The following OSBPL10 variants were observed in gnomAD, a reference collection of about 807,000 sequenced individuals.
OSBPL10 encodes the protein oxysterol binding protein like 10, also known as oxysterol-binding protein-related protein 10.
A neutral mutation model predicts 81.7 loss-of-function variants in OSBPL10; 49 were observed. The observed-to-expected ratio is 0.60, with a 90% CI of 0.48 to 0.76. The LOEUF is 0.76. Among genes scored for constraint, OSBPL10 ranks in the 30% least tolerant of loss-of-function variants. The pLI, the probability that OSBPL10 is intolerant of heterozygous loss-of-function variation, is 0.00. For synonymous variants in OSBPL10, 419 were observed against 383.6 expected (o/e 1.09, Z -1.08); for missense variants, 923 against 987.8 (o/e 0.93, Z 0.88).
chr3:32,033,042 T>C (rs1699487191), intron 2 of OSBPL10, among the ~76,000 whole-genome samples: 1 of 152,230 alleles, frequency 6.6e-6, no homozygotes, highest in Non-Finnish European at 1.5e-5. Context: ...TATAATGTGA[T>C]GAATTTCCTT....
At chr3:31,851,318 C>T (rs900804272) in intron 3 of OSBPL10, among the ~76,000 whole-genome samples, 5 of 152,196 alleles carry the variant, frequency 3.3e-5, no homozygotes, top group African/African-American at 7.2e-5. Context: ...CAGCCAGAGA[C>T]GTGAAGGAGA....
chr3:31,824,308 T>C (rs992428119), intron 4 of OSBPL10, among the ~76,000 whole-genome samples: 3 of 152,116 alleles, frequency 2.0e-5, no homozygotes, highest in African/African-American at 4.8e-5. Context: ...TAGTTGCAGG[T>C]TGGCCAATGT....
intron 1 of OSBPL10, among the ~76,000 whole-genome samples, chr3:31,903,351 A>G (rs4955119): frequency 0.21 from 30,701 of 144,802 alleles, 3,961 homozygotes; most frequent in Admixed American, 0.29. Flanking sequence ...TTTTTTAGAC[A>G]AGGTCTCACT....
intron 6 of OSBPL10, among the ~76,000 whole-genome samples, chr3:31,720,341 G>A (rs1398233730): frequency 6.6e-6 from 1 of 152,144 alleles, no homozygotes; most frequent in East Asian, 1.9e-4. Context: ...GCTCTTGGGA[G>A]ATACAGGGAG....
chr3:31,984,233 G>T (rs1344657286), upstream of OSBPL10, among the ~76,000 whole-genome samples: 1 of 151,994 alleles, frequency 6.6e-6, no homozygotes, highest in Non-Finnish European at 1.5e-5. Context: ...GTAGAGATGG[G>T]ATTTCACTGT....
At chr3:31,916,438 G>A (rs916900658) in intron 1 of OSBPL10, among the ~76,000 whole-genome samples, 1 of 152,176 alleles carries the variant, frequency 6.6e-6, no homozygotes, top group Non-Finnish European at 1.5e-5. Flanking sequence ...GGAGTCAAGT[G>A]TAACAACAGG....
chr3:31,895,641 A>G (rs1696033336), intron 1 of OSBPL10, among the ~76,000 whole-genome samples: 1 of 152,138 alleles, frequency 6.6e-6, no homozygotes, highest in Non-Finnish European at 1.5e-5. Flanking sequence ...CTGATAATCC[A>G]AGCTGTTTGA....
intron 2 of OSBPL10, among the ~76,000 whole-genome samples, chr3:32,021,015 G>A (rs922176715): frequency 3.3e-5 from 5 of 152,140 alleles, no homozygotes; most frequent in Non-Finnish European, 5.9e-5. Flanking sequence ...GTCCTCACTT[G>A]GACTTTCCTG....
At chr3:31,961,564 G>A (rs1559533206) in intron 1 of OSBPL10, among the ~76,000 whole-genome samples, 1 of 152,014 alleles carries the variant, frequency 6.6e-6, no homozygotes, top group Non-Finnish European at 1.5e-5. Flanking sequence ...CTGGGAGGGG[G>A]CTGGGCTAAT....
chr3:31,666,639 T>C (rs1700197096), intron 10 of OSBPL10, among the ~76,000 whole-genome samples: 1 of 152,118 alleles, frequency 6.6e-6, no homozygotes, highest in Non-Finnish European at 1.5e-5. Context: ...CCTTTACCTA[T>C]GGAGGATACA....
chr3:31,888,806 C>T (rs13353468), intron 1 of OSBPL10, among the ~76,000 whole-genome samples: 2,464 of 152,132 alleles, frequency 0.016, 66 homozygotes, highest in African/African-American at 0.056. Context: ...TGCCTATAAT[C>T]CCAGCTACTT....
At chr3:32,011,878 A>T (rs1235691726) in intron 2 of OSBPL10, among the ~76,000 whole-genome samples, 1 of 152,222 alleles carries the variant, frequency 6.6e-6, no homozygotes, top group Non-Finnish European at 1.5e-5. Context: ...ATGAAGCGAG[A>T]AGAGAAGTCA....
At chr3:31,844,734 C>T (rs905261149) in intron 3 of OSBPL10, among the ~76,000 whole-genome samples, 1 of 152,148 alleles carries the variant, frequency 6.6e-6, no homozygotes, top group South Asian at 2.1e-4. Context: ...GGTGGCTATA[C>T]AACATAACGA....
intron 1 of OSBPL10, among the ~76,000 whole-genome samples, chr3:31,967,603 A>G (rs1438223911): frequency 6.6e-6 from 1 of 152,252 alleles, no homozygotes; most frequent in Non-Finnish European, 1.5e-5. Context: ...GAGACAGTTG[A>G]CATTTATATT....
At chr3:31,843,962 C>A (rs1483311854) in intron 3 of OSBPL10, among the ~76,000 whole-genome samples, 4 of 152,164 alleles carry the variant, frequency 2.6e-5, no homozygotes, top group African/African-American at 9.7e-5. Context: ...GCAGATGAGG[C>A]AAGGGACAGG....
chr3:31,685,769 A>G (rs1439489463), intron 7 of OSBPL10, among the ~76,000 whole-genome samples: 1 of 152,208 alleles, frequency 6.6e-6, no homozygotes, highest in East Asian at 1.9e-4. Context: ...ACAGGCTCAC[A>G]GATCTGTAAC....
chr3:31,842,016 C>G (rs1700510527), intron 3 of OSBPL10, among the ~76,000 whole-genome samples: 2 of 152,194 alleles, frequency 1.3e-5, no homozygotes, highest in African/African-American at 4.8e-5. Flanking sequence ...CTGCCCTCTT[C>G]TTTAAACAAA....
At chr3:32,003,753 A>G (rs974154379) in intron 2 of OSBPL10, among the ~76,000 whole-genome samples, 1 of 152,146 alleles carries the variant, frequency 6.6e-6, no homozygotes, top group Non-Finnish European at 1.5e-5. Context: ...AGGGCACTGC[A>G]GTGTGTGGTC....
intron 5 of OSBPL10, among the ~76,000 whole-genome samples, chr3:31,740,180 A>G (rs1697297602): frequency 2.0e-5 from 3 of 151,630 alleles, no homozygotes. Context: ...AGTAGCTGGG[A>G]CTACAGGTGC....
Sources: gnomAD v4.1 joint callset for allele counts (sites outside exome capture counted in the v4.1 genomes callset) on GRCh38, gnomAD v4.1.1 for gene constraint, MANE v1.5 for transcripts, NCBI Gene and HGNC (gene_info 2026-07-23, HGNC 2026-07-21) for gene names.